HMGCS2: variants seen among roughly 807,000 people sequenced by gnomAD.
HMGCS2 encodes hydroxymethylglutaryl-CoA synthase, mitochondrial.
A neutral mutation model predicts 57.4 loss-of-function variants in HMGCS2; 50 were observed. The observed-to-expected ratio is 0.87, with a 90% CI of 0.69 to 1.10. The LOEUF (loss-of-function observed/expected upper bound fraction) is 1.10, where lower values mean the gene tolerates loss of function less well. Ranked by LOEUF, HMGCS2 falls within the 50% of genes least tolerant of loss-of-function variation. The probability of loss-of-function intolerance (pLI) is 0.00; values close to 1 mark genes in which losing one functional copy is unlikely to be tolerated. For missense variants in HMGCS2, 627 were observed against 636.5 expected (o/e 0.99, Z 0.16); for synonymous variants, 254 against 245.1 (o/e 1.04, Z -0.34).
intron 4 of HMGCS2, among the ~76,000 whole-genome samples, chr1:119,758,659 C>T (rs1458273131): frequency 1.3e-5 from 2 of 152,212 alleles, no homozygotes; most frequent in Non-Finnish European, 2.9e-5. Flanking sequence ...AGTAGCATCA[C>T]GAAGAGAAAA....
intron 1 of HMGCS2, among the ~76,000 whole-genome samples, chr1:119,766,305 C>T (rs945846094): frequency 6.6e-6 from 1 of 152,196 alleles, no homozygotes; most frequent in Admixed American, 6.5e-5. Flanking sequence ...TAGTTTCTCA[C>T]GTGTTAGAAA....
intron 5 of HMGCS2, 61 bp from the exon 6 acceptor site, chr1:119,755,658 G>C (rs1332550718): frequency 9.9e-6 from 15 of 1,518,092 alleles, no homozygotes; most frequent in Non-Finnish European, 1.4e-5. Context: ...GGGAGCAAGG[G>C]GGAAAAGTAA....
intron 4 of HMGCS2, among the ~76,000 whole-genome samples, chr1:119,758,762 C>T (rs1244752473): frequency 1.3e-5 from 2 of 152,232 alleles, no homozygotes; most frequent in African/African-American, 4.8e-5. Flanking sequence ...AAGAGCCAAA[C>T]CATGCCTGAC....
intron 2 of HMGCS2, among the ~76,000 whole-genome samples, chr1:119,762,295 G>A (rs1432600061): frequency 6.6e-6 from 1 of 152,118 alleles, no homozygotes; most frequent in South Asian, 2.1e-4. Context: ...ATACTTGCAG[G>A]TACTTAGAAA....
rs1053767863 is a variant in HMGCS2 at position 119,751,045 on chromosome 1, A to C, written c.1421-137T>G. On this transcript the variant is annotated intron_variant, in intron 8 of 9. Coordinates refer to ENST00000369406, the MANE Select transcript of HMGCS2 (RefSeq NM_005518.4). Reference sequence around the variant, plus strand: ...TGTAAGGGGCTGCAAGGTCACCCTTAGTCCACCAAATAGAACACTGGACCC... The same window carrying C: ...TGTAAGGGGCTGCAAGGTCACCCTTCGTCCACCAAATAGAACACTGGACCC... 4.4e-6 allele frequency: 3 copies of C among 688,324 alleles called. No homozygotes were observed. In the African/African-American group the frequency reaches 5.3e-5, roughly 12 times the overall value. 42.6% of individuals were successfully genotyped at this position (688,324 alleles called of 1,614,324 possible). A position where few individuals can be genotyped will look rare whatever the true frequency, so the allele number is the denominator to read the frequency against.
rs1012936936 is a variant in HMGCS2 at position 119,757,121 on chromosome 1, C to A, written c.1016+152G>T. 3.2e-6 allele frequency: 4 copies of A among 1,248,164 alleles called. No individual in the cohort carries two copies. The African/African-American group carries it at 5.9e-5, about 19-fold the overall frequency. The allele number at this position is 1,248,164 out of a possible 1,614,324, so 77.3% of individuals were successfully genotyped here. On this transcript the variant is annotated intron_variant, in intron 5 of 9. Coordinates refer to ENST00000369406, the MANE Select transcript of HMGCS2 (RefSeq NM_005518.4). ...GCCCTACCCAGACAATAACCCACTA[C>A]CCCGTGGAAGGACCTGGGATTGTTC...
chr1:119,751,204 T>C (rs1026625653), intron 8 of HMGCS2, among the ~76,000 whole-genome samples: 3 of 152,118 alleles, frequency 2.0e-5, no homozygotes, highest in Non-Finnish European at 4.4e-5. Context: ...CTTCATCCCA[T>C]CCTTTTGCCA....
intron 2 of HMGCS2, among the ~76,000 whole-genome samples, chr1:119,763,145 G>C (rs909162059): frequency 1.3e-5 from 2 of 152,148 alleles, no homozygotes; most frequent in Admixed American, 6.5e-5. Flanking sequence ...GAAAAGCCTG[G>C]AATGAACTTT....
At chr1:119,755,200 G>A (rs1478416214) in intron 6 of HMGCS2, among the ~76,000 whole-genome samples, 1 of 152,006 alleles carries the variant, frequency 6.6e-6, no homozygotes, top group Non-Finnish European at 1.5e-5. Flanking sequence ...TAGAGATGAG[G>A]TTTCACCACG....
chr1:119,755,139 C>T (rs1029506395), intron 6 of HMGCS2, among the ~76,000 whole-genome samples: 2 of 152,148 alleles, frequency 1.3e-5, no homozygotes, highest in Non-Finnish European at 2.9e-5. Flanking sequence ...ACTTCAGCCT[C>T]CCGAGCAGCT....
rs1652723339 is a variant in HMGCS2 at position 119,753,312 on chromosome 1, A to C, written c.1262T>G (p.Phe421Cys). 6.2e-7 allele frequency: 1 copy of C among 1,613,826 alleles called. No homozygotes were observed. ...AGCATCCTGGGATACTCGAAATGAA[A>C]AGAAACTTGCTGCTAAACCAGAGCC... is the stretch of plus-strand genomic sequence containing the variant. ...SYGSGLAASFFSFRVSQDAAP... is the reference protein window; with the variant it reads ...SYGSGLAASFCSFRVSQDAAP... Residue 421 changes from phenylalanine (F) to cysteine (C), a missense_variant, in exon 7 of 10, where the codon TTT becomes TGT. Physicochemically the swap from Phe to Cys is radical, Grantham distance 205 (BLOSUM62 -2). Transcript: ENST00000369406.
chr1:119,756,684 A>G lies in HMGCS2; in HGVS notation c.1016+589T>C, dbSNP rs587744063. On this transcript the variant is annotated intron_variant, in intron 5 of 9. Transcript: ENST00000369406. ...TAAACAGCATTCTTTCTGCTTTTTC[A>G]CATCTAAGGGGATGAGCTGGAACAT... is the stretch of plus-strand genomic sequence containing the variant. Among the ~76,000 whole-genome samples the G allele has an allele frequency of 2.6e-5, 4 of 152,306 alleles. No individual in the cohort carries two copies. In the South Asian group the frequency reaches 8.3e-4, roughly 32 times the overall value.
At chr1:119,756,648 T>C (rs1331217739) in intron 5 of HMGCS2, among the ~76,000 whole-genome samples, 1 of 152,208 alleles carries the variant, frequency 6.6e-6, no homozygotes, top group Non-Finnish European at 1.5e-5. Context: ...TGTATTAGTG[T>C]AGTGAATCAA....
intron 8 of HMGCS2, among the ~76,000 whole-genome samples, chr1:119,751,657 C>T (rs910940413): frequency 3.9e-5 from 6 of 152,122 alleles, no homozygotes; most frequent in African/African-American, 1.4e-4. Flanking sequence ...ATCCACCTGC[C>T]TCTGCCTCCC....
intron 5 of HMGCS2, 34 bp from the exon 6 acceptor site, chr1:119,755,631 C>T: frequency 6.2e-7 from 1 of 1,609,972 alleles, no homozygotes; most frequent in Non-Finnish European, 8.5e-7. Flanking sequence ...ATGTGAGAGG[C>T]CAGGGGACGG....
At chr1:119,760,027 A>C (rs1202616860) in intron 2 of HMGCS2, 38 bp from the exon 3 acceptor site, 1 of 1,603,446 alleles carries the variant, frequency 6.2e-7, no homozygotes, top group African/African-American at 1.3e-5. Context: ...CATCATTACC[A>C]AATCTAGAGT....
chr1:119,755,672 C>T, intron 5 of HMGCS2, 75 bp from the exon 6 acceptor site: 1 of 1,389,186 alleles, frequency 7.2e-7, no homozygotes, highest in East Asian at 2.3e-5. Context: ...AAAGTAACAG[C>T]TTCTGGAGAG....
chr1:119,757,481 G>A lies in HMGCS2; in HGVS notation c.851-43C>T, dbSNP rs774502703. On this transcript the variant is annotated intron_variant, in intron 4 of 9. Coordinates refer to ENST00000369406, the MANE Select transcript of HMGCS2 (RefSeq NM_005518.4). ...AAGGCAAGGATGGGGCATGAGGGGC[G>A]AGCCATTTAGATATCCTCCCTGAGA... 29 of 1,613,566 alleles carry A rather than the reference G, an allele frequency of 1.8e-5. No homozygotes were observed. The Admixed American group carries it at 3.7e-4, about 20-fold the overall frequency.
rs199670317 is a variant in HMGCS2, at chr1:119,764,589, C to G, written c.142G>C (p.Asp48His). The change falls in exon 2 of 10, where the codon GAT becomes CAT. Residue 48 changes from aspartate (D) to histidine (H), a missense_variant. Asp to His is a moderately conservative substitution (Grantham distance 81). Coordinates refer to ENST00000369406, the MANE Select transcript of HMGCS2 (RefSeq NM_005518.4). ...TASAVPLAKT[D>H]TWPKDVGILA... is the part of the protein sequence containing the mutation. ...ATGCCCACGTCCTTTGGCCAAGTAT[C>G]TGTTTTGGCCAGGGGGACAGCAGAG... is the stretch of plus-strand genomic sequence containing the variant. 3.7e-6 allele frequency: 6 copies of G among 1,614,168 alleles called. No individual in the cohort carries two copies. Among genetic ancestry groups the G allele is most frequent in the Non-Finnish European group, 5.1e-6 (6 of 1,180,010 alleles).
Sources: allele counts gnomAD v4.1 joint callset (sites outside exome capture counted in the v4.1 genomes callset), GRCh38; gene constraint gnomAD v4.1.1; transcripts MANE v1.5; gene names NCBI Gene and HGNC (gene_info 2026-07-23, HGNC 2026-07-21).